Variants in SOX5 observed in about 807,000 individuals in gnomAD.
The protein encoded by SOX5 is SRY-box transcription factor 5.
Under a neutral mutation model 92.0 loss-of-function variants are expected in SOX5, and 9 were observed. The observed-to-expected ratio is 0.10, with a 90% CI of 0.06 to 0.17. The LOEUF (loss-of-function observed/expected upper bound fraction) is 0.17. Among genes scored for constraint, SOX5 ranks in the 10% least tolerant of loss-of-function variants. The pLI, the probability that SOX5 is intolerant of heterozygous loss-of-function variation, is 1.00. For synonymous variants in SOX5, 344 were observed against 336.3 expected (o/e 1.02, Z -0.25); for missense variants, 642 against 944.5 (o/e 0.68, Z 4.20).
chr12:23,738,915 C>CA (rs939411098), intron 5 of SOX5, among the ~76,000 whole-genome samples: 6 of 151,264 alleles, frequency 4.0e-5, no homozygotes, highest in South Asian at 2.1e-4. Context: ...GGGCCATACC[C>CA]AAAAAAAAGC....
At chr12:23,719,812 C>T (rs1287561598) in intron 6 of SOX5, among the ~76,000 whole-genome samples, 1 of 42,614 alleles carries the variant, frequency 2.3e-5, no homozygotes, top group African/African-American at 8.8e-5. Flanking sequence ...AAAAAAAAAA[C>T]TGATGGATAG....
intron 7 of SOX5, among the ~76,000 whole-genome samples, chr12:23,643,131 T>C (rs891528583): frequency 1.4e-5 from 2 of 146,122 alleles, no homozygotes; most frequent in African/African-American, 5.1e-5. Context: ...CAGACTAGGA[T>C]GGTGACATGG....
At chr12:24,012,667 T>A (rs1253340824) in intron 4 of SOX5, among the ~76,000 whole-genome samples, 1 of 152,132 alleles carries the variant, frequency 6.6e-6, no homozygotes, top group African/African-American at 2.4e-5. Flanking sequence ...CTGACAAACC[T>A]CCAAGGAAAT....
At chr12:24,014,227 A>G (rs1348778505) in intron 4 of SOX5, among the ~76,000 whole-genome samples, 1 of 152,206 alleles carries the variant, frequency 6.6e-6, no homozygotes, top group Admixed American at 6.6e-5. Flanking sequence ...GAAAGCTCAG[A>G]TAAGCCAACA....
intron 1 of SOX5, among the ~76,000 whole-genome samples, chr12:24,370,520 A>C (rs957705112): frequency 6.8e-6 from 1 of 146,926 alleles, no homozygotes; most frequent in East Asian, 2.0e-4. Flanking sequence ...GGCCAGGCAC[A>C]GTGGCTCATG....
chr12:23,825,254 C>A (rs1594803453), intron 3 of SOX5, among the ~76,000 whole-genome samples: 2 of 152,304 alleles, frequency 1.3e-5, no homozygotes, highest in African/African-American at 4.8e-5. Flanking sequence ...CTGCAGGTTG[C>A]GAAGACCATG....
At chr12:23,731,774 T>C (rs1228341259) in intron 6 of SOX5, among the ~76,000 whole-genome samples, 1 of 152,224 alleles carries the variant, frequency 6.6e-6, no homozygotes, top group Non-Finnish European at 1.5e-5. Context: ...TTTGTATTCA[T>C]ATATGAAACA....
At chr12:24,203,076 T>C (rs1161544583) in intron 4 of SOX5, among the ~76,000 whole-genome samples, 3 of 152,188 alleles carry the variant, frequency 2.0e-5, no homozygotes, top group East Asian at 1.9e-4. Context: ...TTCCTCTTAA[T>C]TGGCATTCTT....
intron 4 of SOX5, among the ~76,000 whole-genome samples, chr12:24,196,433 T>C (rs1957018911): frequency 1.3e-5 from 2 of 152,212 alleles, no homozygotes; most frequent in African/African-American, 4.8e-5. Context: ...ATAAACTCTA[T>C]GGACAGGTCT....
At chr12:24,169,240 T>C (rs1337992226) in intron 4 of SOX5, among the ~76,000 whole-genome samples, 3 of 152,204 alleles carry the variant, frequency 2.0e-5, no homozygotes, top group Non-Finnish European at 4.4e-5. Context: ...AAGGTACTGA[T>C]TTATAAATGT....
At chr12:24,499,243 CT>C (rs908227322) in intron 1 of SOX5, among the ~76,000 whole-genome samples, 6 of 152,258 alleles carry the variant, frequency 3.9e-5, no homozygotes, top group African/African-American at 1.4e-4. Flanking sequence ...ATCGTCCCCC[CT>C]GCCTGGCGCT....
chr12:23,752,827 C>T (rs567266681), intron 4 of SOX5, among the ~76,000 whole-genome samples: 1 of 151,888 alleles, frequency 6.6e-6, no homozygotes, highest in Non-Finnish European at 1.5e-5. Flanking sequence ...CATATATTGA[C>T]TGTTGTTGGC....
intron 4 of SOX5, among the ~76,000 whole-genome samples, chr12:24,136,581 G>C (rs1224365887): frequency 6.6e-6 from 1 of 152,140 alleles, no homozygotes; most frequent in Non-Finnish European, 1.5e-5. Flanking sequence ...ATTAATGAGG[G>C]ATGTGCTGCT....
At chr12:24,315,528 A>C (rs1949616663) in intron 2 of SOX5, among the ~76,000 whole-genome samples, 1 of 152,130 alleles carries the variant, frequency 6.6e-6, no homozygotes, top group South Asian at 2.1e-4. Flanking sequence ...ATTATGTAAA[A>C]AATAGATGTA....
intron 4 of SOX5, among the ~76,000 whole-genome samples, chr12:24,116,024 T>C (rs1044792760): frequency 1.3e-5 from 2 of 152,106 alleles, no homozygotes; most frequent in East Asian, 1.9e-4. Context: ...GGTATATACA[T>C]AGATCCCTAA....
In SOX5 at chr12:24,231,495, C is replaced by T. The variant is rs566166806; in HGVS notation, c.-76-18078G>A. Among the ~76,000 whole-genome samples the T allele has an allele frequency of 2.2e-4, 33 of 152,280 alleles. No homozygotes were observed. The South Asian group carries it at 6.8e-3, about 32-fold the overall frequency. Reference sequence around the variant, plus strand: ...CTATACAATCAAAAGGAAGTATAGGCTAGAGGTTTACCATTGGCTGCTTGT... The same window carrying T: ...CTATACAATCAAAAGGAAGTATAGGTTAGAGGTTTACCATTGGCTGCTTGT... On this transcript the variant is annotated intron_variant, in intron 3 of 4. Transcript: ENST00000446891.
At chr12:23,912,451 G>A (rs989797945) in intron 1 of SOX5, among the ~76,000 whole-genome samples, 2 of 152,156 alleles carry the variant, frequency 1.3e-5, no homozygotes, top group Non-Finnish European at 2.9e-5. Flanking sequence ...AGTTTCTAAA[G>A]AGTTACCATA....
chr12:23,728,082 G>T (rs1029124275), intron 6 of SOX5, among the ~76,000 whole-genome samples: 1 of 151,920 alleles, frequency 6.6e-6, no homozygotes, highest in Non-Finnish European at 1.5e-5. Flanking sequence ...GGACAGGGCT[G>T]CAGGCAGTTA....
At chr12:24,137,386 A>G (rs1950201077) in intron 4 of SOX5, among the ~76,000 whole-genome samples, 2 of 152,144 alleles carry the variant, frequency 1.3e-5, no homozygotes. Context: ...TAATCCTAGC[A>G]CTTTGGGAGG....
Sources: allele counts gnomAD v4.1 joint callset (sites outside exome capture counted in the v4.1 genomes callset), GRCh38; gene constraint gnomAD v4.1.1; transcripts MANE v1.5; gene names NCBI Gene and HGNC (gene_info 2026-07-23, HGNC 2026-07-21).